Variants in MEGF11 observed in about 807,000 individuals in gnomAD.
The protein encoded by MEGF11 is multiple EGF like domains 11, also known as multiple epidermal growth factor-like domains protein 11.
MEGF11 carries 126 observed loss-of-function variants against 146.6 expected under a neutral mutation model. The observed-to-expected ratio is 0.86, with a 90% CI of 0.74 to 1.00. The LOEUF (loss-of-function observed/expected upper bound fraction) is 1.00, where lower values mean the gene tolerates loss of function less well. Ranked by LOEUF, MEGF11 falls within the 50% of genes least tolerant of loss-of-function variation. The pLI is 0.00. For synonymous variants in MEGF11, 532 were observed against 583.4 expected, an observed-to-expected ratio of 0.91 and a Z score of 1.27; for missense variants, 1,509 against 1,521.2, an observed-to-expected ratio of 0.99 and a Z score of 0.13.
intron 4 of MEGF11, among the ~76,000 whole-genome samples, chr15:66,107,056 C>CCA (rs971793304): frequency 1.5e-4 from 21 of 140,248 alleles, no homozygotes; most frequent in East Asian, 1.4e-3. Context: ...ATATTCCTAC[C>CCA]CCCCCACCAG....
rs188222543 is a variant in MEGF11 at position 66,080,559 on chromosome 15, C to A, written c.394+13843G>T. 5.9e-3 allele frequency among the ~76,000 whole-genome samples: 898 copies of A among 152,308 alleles called. 6 individuals are homozygous for A. Among genetic ancestry groups the A allele is most frequent in the Admixed American group, 9.5e-3 (146 of 15,294 alleles). Reference sequence around the variant, plus strand: ...TATGCTCTCCTCATCTCTGAACCCCCCATTTGGTCCTGAACCCTGGGCACT... The same window carrying A: ...TATGCTCTCCTCATCTCTGAACCCCACATTTGGTCCTGAACCCTGGGCACT... On this transcript the variant is annotated intron_variant, in intron 5 of 25. Transcript: ENST00000395614.
intron 5 of MEGF11, among the ~76,000 whole-genome samples, chr15:65,986,154 T>C (rs28366411): frequency 0.068 from 10,340 of 151,996 alleles, 423 homozygotes; most frequent in African/African-American, 0.082. Flanking sequence ...GGTTTCATCA[T>C]GTTGGCCAGG....
chr15:66,150,987 G>A (rs577704110), intron 1 of MEGF11, among the ~76,000 whole-genome samples: 38 of 152,288 alleles, frequency 2.5e-4, no homozygotes, highest in Non-Finnish European at 5.4e-4. Context: ...TCTAGAAGGT[G>A]AGAAGGATTC....
chr15:66,130,331 T>G (rs773093932), intron 1 of MEGF11, among the ~76,000 whole-genome samples: 2 of 152,206 alleles, frequency 1.3e-5, no homozygotes, highest in Non-Finnish European at 2.9e-5. Context: ...GGAGTCTGAA[T>G]GCCAGCTGTA....
chr15:66,036,214 G>A (rs1340606390), intron 5 of MEGF11, among the ~76,000 whole-genome samples: 3 of 152,228 alleles, frequency 2.0e-5, no homozygotes, highest in Non-Finnish European at 4.4e-5. Context: ...ATGATTCTTC[G>A]GAGGGACTCC....
chr15:66,118,166 C>G (rs1336846420), intron 4 of MEGF11, among the ~76,000 whole-genome samples: 1 of 151,850 alleles, frequency 6.6e-6, no homozygotes, highest in African/African-American at 2.4e-5. Context: ...TCCTCTGACA[C>G]TCTCCTACAG....
intron 10 of MEGF11, among the ~76,000 whole-genome samples, chr15:65,942,669 G>A (rs765947199): frequency 3.9e-5 from 6 of 152,118 alleles, no homozygotes; most frequent in South Asian, 4.2e-4. Flanking sequence ...TTGATTCCCC[G>A]TGCCTGGCCT....
At chr15:66,145,520 G>A (rs1403155120) in intron 1 of MEGF11, among the ~76,000 whole-genome samples, 1 of 152,196 alleles carries the variant, frequency 6.6e-6, no homozygotes, top group East Asian at 1.9e-4. Context: ...CAGGGAGAGA[G>A]AGGGAAGGTG....
intron 1 of MEGF11, among the ~76,000 whole-genome samples, chr15:66,182,554 G>C (rs2090578943): frequency 6.6e-6 from 1 of 152,186 alleles, no homozygotes; most frequent in African/African-American, 2.4e-5. Context: ...CCCTGGAGCA[G>C]CTGGTGTATT....
At chr15:66,150,649 A>AAGGAAGGAAGG (rs1567264423) in intron 1 of MEGF11, among the ~76,000 whole-genome samples, 18 of 82,206 alleles carry the variant, frequency 2.2e-4, no homozygotes, top group Non-Finnish European at 3.1e-4. Flanking sequence ...AGGAAGGAAG[A>AAGGAAGGAAGG]AAGGAAGGGG....
chr15:66,048,800 A>G (rs938801785), intron 5 of MEGF11, among the ~76,000 whole-genome samples: 14 of 152,278 alleles, frequency 9.2e-5, no homozygotes, highest in African/African-American at 2.9e-4. Context: ...AGCAGAATTG[A>G]CAGATAAAAT....
intron 5 of MEGF11, among the ~76,000 whole-genome samples, 173 bp downstream of exon 5, chr15:66,094,229 T>A (rs570901719): frequency 6.6e-6 from 1 of 152,130 alleles, no homozygotes. Context: ...ATCCCTCAAG[T>A]GCCACCATGT....
At chr15:66,099,118 T>C (rs749976123) in intron 4 of MEGF11, among the ~76,000 whole-genome samples, 4 of 151,938 alleles carry the variant, frequency 2.6e-5, no homozygotes, top group African/African-American at 4.8e-5. Context: ...AACACTCTCC[T>C]GGGTTGCAGG....
chr15:66,188,235 A>T (rs185274721), intron 1 of MEGF11, among the ~76,000 whole-genome samples: 214 of 152,120 alleles, frequency 1.4e-3, no homozygotes, highest in African/African-American at 4.9e-3. Context: ...CTGGGGATCT[A>T]TATATATATG....
At chr15:66,070,040 C>T (rs2085300156) in intron 5 of MEGF11, among the ~76,000 whole-genome samples, 2 of 152,202 alleles carry the variant, frequency 1.3e-5, no homozygotes, top group South Asian at 2.1e-4. Flanking sequence ...TCCTCTTTCC[C>T]TTTTCTCCAG....
intron 1 of MEGF11, among the ~76,000 whole-genome samples, chr15:66,201,829 C>T (rs1422225250): frequency 6.6e-6 from 1 of 150,626 alleles, no homozygotes; most frequent in African/African-American, 2.4e-5. Context: ...AGCCTGTAGT[C>T]CCAGCTACTC....
chr15:66,175,146 G>A (rs73471951), intron 1 of MEGF11, among the ~76,000 whole-genome samples: 1,722 of 152,306 alleles, frequency 0.011, 26 homozygotes, highest in African/African-American at 0.039. Flanking sequence ...TCTACAAAGA[G>A]TGACAATTTT....
Position 66,230,003 on chromosome 15 carries a change from C to T in MEGF11, c.-9+23602G>A, listed in dbSNP as rs140994634. Among the ~76,000 whole-genome samples, 393 of 152,292 alleles carry T rather than the reference C, an allele frequency of 2.6e-3. 3 individuals are homozygous for T. The highest frequency in any genetic ancestry group is 9.0e-3 in the African/African-American group (375 of 41,572). On this transcript the variant is annotated intron_variant, in intron 1 of 25. Transcript: ENST00000395614. ...TCCTGTTGGGAAGTGCTGGCAGCAACTTTACCTCCTACAAGAGAGGGAGAT... is the reference window on the plus strand; with the variant it reads ...TCCTGTTGGGAAGTGCTGGCAGCAATTTTACCTCCTACAAGAGAGGGAGAT...
At chr15:66,037,839 C>T (rs917917449) in intron 5 of MEGF11, among the ~76,000 whole-genome samples, 3 of 152,182 alleles carry the variant, frequency 2.0e-5, no homozygotes, top group African/African-American at 4.8e-5. Context: ...GTGTCTAGCC[C>T]GGGGTTCCCC....
Sources: allele counts gnomAD v4.1 joint callset (sites outside exome capture counted in the v4.1 genomes callset), GRCh38; gene constraint gnomAD v4.1.1; transcripts MANE v1.5; gene names NCBI Gene and HGNC (gene_info 2026-07-23, HGNC 2026-07-21).